Variants in PTPRN2 observed in about 807,000 individuals in gnomAD.
The protein encoded by PTPRN2 is receptor-type tyrosine-protein phosphatase N2.
In PTPRN2, 74 loss-of-function variants were observed where a neutral mutation model predicts 118.8. That is an observed-to-expected ratio of 0.62 (90% CI 0.52 to 0.76). PTPRN2 has a LOEUF of 0.76. Ranked by LOEUF, PTPRN2 falls within the 30% of genes least tolerant of loss-of-function variation. The pLI is 0.00. For synonymous variants in PTPRN2, 641 were observed against 608.0 expected, an observed-to-expected ratio of 1.05 and a Z score of -0.80; for missense variants, 1,481 against 1,394.4, an observed-to-expected ratio of 1.06 and a Z score of -0.99.
chr7:157,580,902 C>G (rs371241708), intron 17 of PTPRN2, among the ~76,000 whole-genome samples: 7 of 91,532 alleles, frequency 7.6e-5, no homozygotes, highest in African/African-American at 2.1e-4. Context: ...CCCAGCACCT[C>G]CACACCGTGG....
At position 157,817,227 on chromosome 7, in the gene PTPRN2, C is replaced by T. The variant is rs970495518; in HGVS notation, c.1788+81446G>A. On this transcript the variant is annotated intron_variant, in intron 12 of 22. Coordinates refer to ENST00000389418, the MANE Select transcript of PTPRN2 (RefSeq NM_002847.5). ...CTTGTGCTCTTAGGAGAGGGTTTTG[C>T]ACACGTCTGGCTCTGCTTCCCTTCT... Among the ~76,000 whole-genome samples the T allele has an allele frequency of 3.9e-5, 6 of 152,212 alleles. No homozygotes were observed. In the South Asian group the frequency reaches 1.0e-3, roughly 26 times the overall value.
intron 2 of PTPRN2, among the ~76,000 whole-genome samples, chr7:158,421,321 C>T (rs1188077071): frequency 6.6e-6 from 1 of 152,194 alleles, no homozygotes; most frequent in Non-Finnish European, 1.5e-5. Flanking sequence ...ACATGTAAGG[C>T]TGAGTTTGTT....
chr7:157,974,307 GC>G lies in PTPRN2; in HGVS notation c.1724-75571del, dbSNP rs1469312067. Among the ~76,000 whole-genome samples, 1 of 152,206 alleles carries G rather than the reference GC, an allele frequency of 6.6e-6. No homozygotes were observed. The highest frequency in any genetic ancestry group is 1.5e-5 in the Non-Finnish European group (1 of 68,038). On this transcript the variant is annotated intron_variant, in intron 11 of 22. Coordinates refer to ENST00000389418, the MANE Select transcript of PTPRN2 (RefSeq NM_002847.5). This position sits in a 1 kb window ranked among gnomAD's most constrained non-coding sequence, Gnocchi z 4.0. ...GGTGCCACTCCAGCCGGGCCACCCT[GC>G]CCACAAGGTCTTCCACGGGGCTCCT...
chr7:157,663,792 AG>A (rs1353893341), intron 13 of PTPRN2, among the ~76,000 whole-genome samples: 1 of 152,208 alleles, frequency 6.6e-6, no homozygotes, highest in Non-Finnish European at 1.5e-5. Flanking sequence ...GGCTGATTAT[AG>A]TTTCCAAATT....
At chr7:157,910,328 G>A (rs1405620383) in intron 11 of PTPRN2, among the ~76,000 whole-genome samples, 3 of 148,842 alleles carry the variant, frequency 2.0e-5, no homozygotes, top group Non-Finnish European at 4.5e-5. Flanking sequence ...CCAGGATCAC[G>A]CACGTACGCC....
At position 157,881,278 on chromosome 7, in the gene PTPRN2, G is replaced by T. The variant is rs577599136; in HGVS notation, c.1788+17395C>A. On this transcript the variant is annotated intron_variant, in intron 12 of 22. Transcript: ENST00000389418. This position sits in a 1 kb window ranked among gnomAD's most constrained non-coding sequence, Gnocchi z 4.7. ...TATGTGGAGATGGGGGTGTTTACAG[G>T]AGTCATTACAGTAAAATGTGGTCAT... Among the ~76,000 whole-genome samples, 479 of 145,454 alleles carry T rather than the reference G, an allele frequency of 3.3e-3. 3 individuals carry two copies. Among genetic ancestry groups the T allele is most frequent in the African/African-American group, 0.012 (440 of 35,916 alleles).
chr7:158,147,004 C>G (rs1165131045), intron 6 of PTPRN2, among the ~76,000 whole-genome samples: 1 of 27,128 alleles, frequency 3.7e-5, no homozygotes, highest in African/African-American at 1.7e-4. Context: ...GACACCCCAT[C>G]TCACGCCACG....
chr7:158,428,280 G>A (rs542636323), intron 2 of PTPRN2, among the ~76,000 whole-genome samples: 41 of 152,260 alleles, frequency 2.7e-4, no homozygotes, highest in Admixed American at 2.5e-3. Flanking sequence ...GCACAGCGGC[G>A]TCGGACGTGA....
At chr7:158,463,589 C>T (rs922877079) in intron 2 of PTPRN2, among the ~76,000 whole-genome samples, 7 of 151,866 alleles carry the variant, frequency 4.6e-5, no homozygotes, top group Non-Finnish European at 7.4e-5. Flanking sequence ...TCAATATCAC[C>T]GTCACCATCA....
intron 11 of PTPRN2, among the ~76,000 whole-genome samples, chr7:158,020,939 G>T (rs1453984788): frequency 6.6e-6 from 1 of 152,168 alleles, no homozygotes; most frequent in Non-Finnish European, 1.5e-5. Flanking sequence ...TATAGAGGAG[G>T]CTGTTCCTAG....
Position 157,619,041 on chromosome 7 carries a change from G to C in PTPRN2, c.2344+2321C>G, listed in dbSNP as rs1308299219. On this transcript the variant is annotated intron_variant, in intron 15 of 22. Transcript: ENST00000389418. This position sits in a 1 kb window ranked among gnomAD's most constrained non-coding sequence, Gnocchi z 5.3. ...GCGCCCATCCACATGTGGCCACCCT[G>C]TTGGCACCGGCTGCTACCTGGGGAG... Among the ~76,000 whole-genome samples, 1 of 152,058 alleles carries C rather than the reference G, an allele frequency of 6.6e-6. No homozygotes were observed. Among genetic ancestry groups the C allele is most frequent in the African/African-American group, 2.4e-5 (1 of 41,398 alleles).
rs1554528337 is a variant in PTPRN2, at chr7:158,071,399, C to CGTG, written c.1723+9896_1723+9898dup. Among the ~76,000 whole-genome samples the CGTG allele has an allele frequency of 4.0e-3, 84 of 20,958 alleles. 1 individual carries two copies. Among genetic ancestry groups the CGTG allele is most frequent in the Non-Finnish European group, 4.2e-3 (46 of 11,060 alleles). The allele number at this position is 20,958 out of a possible 152,430, so 13.7% of individuals were successfully genotyped here. ...TGGAGGTGCTCGTGGTGGAGGTGCT[C>CGTG]GTGGTGGAGTTGCTCCTGGTGGTGG... On this transcript the variant is annotated intron_variant, in intron 11 of 22. Transcript: ENST00000389418.
chr7:157,796,549 A>T (rs1414535212), intron 12 of PTPRN2, among the ~76,000 whole-genome samples: 1 of 152,228 alleles, frequency 6.6e-6, no homozygotes, highest in African/African-American at 2.4e-5. Context: ...GGAGAGAGGA[A>T]ACAAACTTGG....
At chr7:157,848,651 G>C (rs1809053154) in intron 12 of PTPRN2, among the ~76,000 whole-genome samples, 1 of 152,226 alleles carries the variant, frequency 6.6e-6, no homozygotes, top group Non-Finnish European at 1.5e-5. Flanking sequence ...GGAGTGAATG[G>C]GGCCCCACCT....
At chr7:157,973,101 G>A (rs1469713566) in intron 11 of PTPRN2, among the ~76,000 whole-genome samples, 2 of 152,220 alleles carry the variant, frequency 1.3e-5, no homozygotes, top group Non-Finnish European at 2.9e-5. Context: ...GGTGACATAA[G>A]CCTGCACTCT....
At chr7:158,100,460 C>A (rs1331827223) in intron 10 of PTPRN2, among the ~76,000 whole-genome samples, 4 of 152,188 alleles carry the variant, frequency 2.6e-5, no homozygotes, top group African/African-American at 9.6e-5. Flanking sequence ...TCTTTTAGTT[C>A]TTTAAGGAAT....
rs1279812515 is a variant in PTPRN2 at position 157,627,113 on chromosome 7, T to A, written c.2197-5604A>T. Among the ~76,000 whole-genome samples, 1 of 152,200 alleles carries A rather than the reference T, an allele frequency of 6.6e-6. No individual in the cohort carries two copies. The highest frequency in any genetic ancestry group is 1.5e-5 in the Non-Finnish European group (1 of 68,022). On this transcript the variant is annotated intron_variant, in intron 14 of 22. Coordinates refer to ENST00000389418, the MANE Select transcript of PTPRN2 (RefSeq NM_002847.5). The surrounding 1 kb of genome is among the most constrained non-coding windows in gnomAD (Gnocchi z 4.2). Reference sequence around the variant, plus strand: ...CATTCTCCACAGTCCAGGTCCCAGGTGGGGTGCTCCATCTCCCCTGGAGCC... The same window carrying A: ...CATTCTCCACAGTCCAGGTCCCAGGAGGGGTGCTCCATCTCCCCTGGAGCC...
chr7:158,501,471 C>A (rs1822354970), intron 1 of PTPRN2, among the ~76,000 whole-genome samples: 1 of 152,208 alleles, frequency 6.6e-6, no homozygotes, highest in African/African-American at 2.4e-5. Context: ...TGCTGGGAAG[C>A]CCTGTTCCCA....
intron 2 of PTPRN2, among the ~76,000 whole-genome samples, chr7:158,378,072 G>A (rs1230568507): frequency 2.0e-5 from 3 of 152,172 alleles, no homozygotes; most frequent in Non-Finnish European, 4.4e-5. Flanking sequence ...CCTGGACCTG[G>A]CTCCGGGACT....
Sources: allele counts gnomAD v4.1 joint callset (sites outside exome capture counted in the v4.1 genomes callset), GRCh38; gene constraint gnomAD v4.1.1; non-coding constraint Gnocchi (gnomAD v3.1); transcripts MANE v1.5; gene names NCBI Gene and HGNC (gene_info 2026-07-23, HGNC 2026-07-21).